Variants in CERKL observed in about 807,000 individuals in gnomAD.
CERKL encodes the protein ceramide kinase-like protein.
Under a neutral mutation model 63.4 loss-of-function variants are expected in CERKL, and 61 were observed. That is an observed-to-expected ratio of 0.96 (90% confidence interval 0.78 to 1.19). The LOEUF (loss-of-function observed/expected upper bound fraction) is 1.19, where lower values mean the gene tolerates loss of function less well. Among genes scored for constraint, CERKL ranks in the 50% most tolerant of loss-of-function variants. The pLI is 0.00. For missense variants in CERKL, 675 were observed against 655.5 expected (o/e 1.03, Z -0.33); for synonymous variants, 250 against 230.5 (o/e 1.08, Z -0.77).
intron 2 of CERKL, among the ~76,000 whole-genome samples, chr2:181,602,797 C>T (rs1401172220): frequency 1.3e-5 from 2 of 152,112 alleles, no homozygotes; most frequent in East Asian, 1.9e-4. Context: ...CTAAACTGTG[C>T]CATCAACTAT....
chr2:181,545,358 A>G (rs543375793), intron 10 of CERKL, among the ~76,000 whole-genome samples: 2 of 152,312 alleles, frequency 1.3e-5, no homozygotes, highest in Admixed American at 6.5e-5. Flanking sequence ...TTAATCTTGC[A>G]TAACTGTTCC....
intron 2 of CERKL, among the ~76,000 whole-genome samples, chr2:181,601,364 A>T (rs184633081): frequency 1.4e-3 from 217 of 152,310 alleles, no homozygotes; most frequent in East Asian, 4.8e-3. Flanking sequence ...GTTCAAGACC[A>T]GCCTGGCCAA....
intron 1 of CERKL, among the ~76,000 whole-genome samples, chr2:181,616,701 T>C (rs527752309): frequency 7.2e-5 from 11 of 152,318 alleles, no homozygotes; most frequent in South Asian, 4.1e-4. Context: ...CTTTCAATCA[T>C]AGACAATCTT....
In CERKL at chr2:181,573,739, T is replaced by C; in HGVS notation, c.613+14A>G. On this transcript the variant is annotated intron_variant, in intron 3 of 12. Transcript: ENST00000410087. ...TTTTGTAGATGGTGAAATTATATTCTGAAAATTACTTACTTGTTACATCAG... is the reference window on the plus strand; with the variant it reads ...TTTTGTAGATGGTGAAATTATATTCCGAAAATTACTTACTTGTTACATCAG... The C allele has an allele frequency of 1.2e-6, 2 of 1,610,024 alleles. No individual in the cohort carries two copies. The highest frequency in any genetic ancestry group is 1.7e-6 in the Non-Finnish European group (2 of 1,177,068).
chr2:181,587,460 T>C (rs576758234), intron 2 of CERKL, among the ~76,000 whole-genome samples: 1 of 152,318 alleles, frequency 6.6e-6, no homozygotes, highest in Admixed American at 6.5e-5. Flanking sequence ...GTCATCCATA[T>C]ATCTTTATCA....
intron 1 of CERKL, 122 bp from the exon 2 acceptor site, chr2:181,604,201 T>C: frequency 1.4e-6 from 1 of 740,466 alleles, no homozygotes; most frequent in Non-Finnish European, 2.2e-6. Flanking sequence ...AAATAACTAA[T>C]GGGTACTGGG....
chr2:181,603,117 A>G (rs1363423606), intron 2 of CERKL: 3 of 289,374 alleles, frequency 1.0e-5, no homozygotes, highest in African/African-American at 6.5e-5. Flanking sequence ...ACCTTTAGAA[A>G]AAGCTACTGT....
intron 2 of CERKL, among the ~76,000 whole-genome samples, chr2:181,595,362 C>T (rs1177365271): frequency 2.8e-5 from 4 of 143,290 alleles, no homozygotes; most frequent in South Asian, 2.1e-4. Context: ...GCTGACCCTA[C>T]GGGTTGCCCT....
intron 1 of CERKL, among the ~76,000 whole-genome samples, chr2:181,647,968 C>A (rs1159167298): frequency 6.6e-6 from 1 of 151,488 alleles, no homozygotes; most frequent in South Asian, 2.1e-4. Flanking sequence ...AAGAATAGAC[C>A]AGATCAAGCA....
chr2:181,647,833 C>A (rs1404772744), intron 1 of CERKL, among the ~76,000 whole-genome samples: 1 of 151,826 alleles, frequency 6.6e-6, no homozygotes, highest in Non-Finnish European at 1.5e-5. Context: ...CAGCAGGCTA[C>A]AAGAGAATAC....
intron 5 of CERKL, among the ~76,000 whole-genome samples, chr2:181,552,667 G>C (rs968109620): frequency 6.6e-6 from 1 of 152,108 alleles, no homozygotes; most frequent in Non-Finnish European, 1.5e-5. Context: ...ATTTCTAAGG[G>C]AGATTTTAAG....
intron 1 of CERKL, among the ~76,000 whole-genome samples, chr2:181,635,968 T>C (rs369026054): frequency 1.3e-5 from 2 of 152,286 alleles, no homozygotes. Context: ...TAAACTATGA[T>C]TATTTTTAAG....
chr2:181,539,136 A>G lies in CERKL; in HGVS notation c.1494T>C (p.Asn498=). Residue 498 remains asparagine (N), a synonymous_variant, in exon 12 of 13, where the codon AAT becomes AAC. Transcript: ENST00000410087. ...CAACTTCCATTAAGTCACCATCTAC[A>G]TTCCAAGGGAAACAATTTTCTGAAG... ...ETASENCFPW[N]VDGDLMEVAS... is the part of the protein sequence containing the mutation. 6.2e-7 allele frequency: 1 copy of G among 1,609,010 alleles called. No homozygotes were observed. Among genetic ancestry groups the G allele is most frequent in the Non-Finnish European group, 8.5e-7 (1 of 1,175,562 alleles).
At chr2:181,593,335 C>A (rs916641228) in intron 2 of CERKL, among the ~76,000 whole-genome samples, 8 of 152,090 alleles carry the variant, frequency 5.3e-5, no homozygotes, top group Non-Finnish European at 1.0e-4. Context: ...TCTGGTGGGA[C>A]AAGGATAAGT....
At chr2:181,635,065 T>C (rs1464502468) in intron 1 of CERKL, among the ~76,000 whole-genome samples, 2 of 152,178 alleles carry the variant, frequency 1.3e-5, no homozygotes, top group African/African-American at 4.8e-5. Flanking sequence ...AAGGTCAAAT[T>C]TGAAAAGGCA....
intron 11 of CERKL, among the ~76,000 whole-genome samples, chr2:181,542,851 A>C (rs1687571635): frequency 6.6e-6 from 1 of 152,172 alleles, no homozygotes; most frequent in African/African-American, 2.4e-5. Flanking sequence ...GTCTGTCTTT[A>C]TGTGTAAGGT....
At chr2:181,613,091 C>A (rs749189667) in intron 1 of CERKL, among the ~76,000 whole-genome samples, 1 of 148,524 alleles carries the variant, frequency 6.7e-6, no homozygotes, top group Non-Finnish European at 1.5e-5. Flanking sequence ...AGTCACAATG[C>A]TATACAATAG....
intron 1 of CERKL, among the ~76,000 whole-genome samples, chr2:181,626,054 C>T (rs1443387795): frequency 6.6e-6 from 1 of 151,966 alleles, no homozygotes; most frequent in East Asian, 1.9e-4. Context: ...GACAGATAAG[C>T]TTAGAGTTTA....
At chr2:181,578,095 G>T (rs753388515) in intron 2 of CERKL, among the ~76,000 whole-genome samples, 2 of 152,064 alleles carry the variant, frequency 1.3e-5, no homozygotes, top group Admixed American at 6.6e-5. Context: ...CTTATTTAGC[G>T]CATTCACTGA....
Sources: gnomAD v4.1 joint callset for allele counts (sites outside exome capture counted in the v4.1 genomes callset) on GRCh38, gnomAD v4.1.1 for gene constraint, MANE v1.5 for transcripts, NCBI Gene and HGNC (gene_info 2026-07-23, HGNC 2026-07-21) for gene names.